The following RBFOX3 variants were observed in gnomAD, a reference collection of about 807,000 sequenced individuals.
The protein encoded by RBFOX3 is RNA binding protein fox-1 homolog 3.
RBFOX3 carries 17 observed loss-of-function variants against 48.7 expected under a neutral mutation model. The observed-to-expected ratio is 0.35, with a 90% CI of 0.24 to 0.52. RBFOX3 has a LOEUF of 0.52. RBFOX3 is among the 20% of genes least tolerant of loss of function. RBFOX3 has a pLI of 0.94. For missense variants in RBFOX3, 382 were observed against 497.5 expected (o/e 0.77, Z 2.21); for synonymous variants, 212 against 209.5 (o/e 1.01, Z -0.10).
chr17:79,384,486 C>T (rs1301682294), intron 2 of RBFOX3, among the ~76,000 whole-genome samples: 1 of 152,192 alleles, frequency 6.6e-6, no homozygotes, highest in Admixed American at 6.5e-5. Flanking sequence ...AGGCTGGACT[C>T]TGGAGAACCG....
At chr17:79,331,875 G>A (rs2080360302) in intron 2 of RBFOX3, among the ~76,000 whole-genome samples, 1 of 152,174 alleles carries the variant, frequency 6.6e-6, no homozygotes, top group African/African-American at 2.4e-5. Context: ...AGCACGGAGG[G>A]TCCCGACCAC....
intron 2 of RBFOX3, among the ~76,000 whole-genome samples, chr17:79,318,388 C>G (rs1483532987): frequency 6.6e-6 from 1 of 152,182 alleles, no homozygotes; most frequent in African/African-American, 2.4e-5. Context: ...ATACAAACAG[C>G]AGCAAATCTC....
chr17:79,633,880 T>C, the RBFOX3 span, among the ~76,000 whole-genome samples: 1 of 152,190 alleles, frequency 6.6e-6, no homozygotes, highest in Non-Finnish European at 1.5e-5. Flanking sequence ...CGTATTTTGC[T>C]TTTTTTAATT....
chr17:79,168,735 C>G (rs2145632997), intron 4 of RBFOX3, among the ~76,000 whole-genome samples: 1 of 152,356 alleles, frequency 6.6e-6, no homozygotes, highest in South Asian at 2.1e-4. Context: ...CCGGCAGACA[C>G]AGAGCCATGG....
upstream of RBFOX3, among the ~76,000 whole-genome samples, chr17:79,611,176 G>T (rs1223121812): frequency 0.015 from 61 of 4,202 alleles, no homozygotes; most frequent in African/African-American, 0.025. Context: ...CTCTCTCTCC[G>T]CCCTCCTTCT....
At chr17:79,388,461 C>A (rs755501343) in intron 2 of RBFOX3, among the ~76,000 whole-genome samples, 2 of 152,234 alleles carry the variant, frequency 1.3e-5, no homozygotes, top group Non-Finnish European at 2.9e-5. Context: ...GAATCGTTTT[C>A]AGCTGTGTCC....
chr17:79,620,273 A>C, the RBFOX3 span, among the ~76,000 whole-genome samples: 48 of 151,402 alleles, frequency 3.2e-4, 1 homozygote, highest in East Asian at 9.4e-3. Flanking sequence ...ACGTGCACAC[A>C]TACGCATATG....
intron 1 of RBFOX3, among the ~76,000 whole-genome samples, chr17:79,549,824 C>T (rs184783570): frequency 4.6e-5 from 7 of 152,342 alleles, no homozygotes; most frequent in African/African-American, 1.4e-4. Flanking sequence ...TCAGAGCTAA[C>T]GTTCAATCAA....
chr17:79,107,025 T>C (rs952879974), intron 5 of RBFOX3, among the ~76,000 whole-genome samples: 1 of 152,150 alleles, frequency 6.6e-6, no homozygotes, highest in Non-Finnish European at 1.5e-5. Context: ...ACTGTGCAGG[T>C]GAGGCCGCCT....
At chr17:79,179,572 A>G (rs1488892588) in intron 4 of RBFOX3, among the ~76,000 whole-genome samples, 1 of 149,692 alleles carries the variant, frequency 6.7e-6, no homozygotes, top group Non-Finnish European at 1.5e-5. Flanking sequence ...AGGCACTCAC[A>G]GCCCTCTCCC....
the RBFOX3 span, among the ~76,000 whole-genome samples, chr17:79,632,259 C>A: frequency 2.6e-5 from 4 of 152,100 alleles, no homozygotes; most frequent in African/African-American, 9.7e-5. Context: ...TTTTCCATCA[C>A]CTGGGTCTGC....
intron 1 of RBFOX3, among the ~76,000 whole-genome samples, chr17:79,525,997 A>G (rs1434744233): frequency 3.3e-5 from 5 of 152,174 alleles, no homozygotes; most frequent in Non-Finnish European, 5.9e-5. Flanking sequence ...CTGCGGCTCA[A>G]AGGTTTGCCT....
chr17:79,302,942 G>A (rs567049831), intron 3 of RBFOX3, among the ~76,000 whole-genome samples: 9 of 152,284 alleles, frequency 5.9e-5, no homozygotes, highest in African/African-American at 9.6e-5. Context: ...GGAAGCTTAC[G>A]CCTGTGATCC....
In RBFOX3 at chr17:79,467,252, T is replaced by G. The variant is rs371392390; in HGVS notation, c.-175+15202A>C. The stretch of plus-strand genomic sequence containing the variant: ...CTTCCCATGGAAACCTCTCCTCTGA[T>G]GCTTGAGAGAGGCTGATGTGTGGCT... On this transcript the variant is annotated intron_variant, in intron 2 of 14. Transcript: ENST00000693108. Among the ~76,000 whole-genome samples, 263 of 152,184 alleles carry G rather than the reference T, an allele frequency of 1.7e-3. 2 individuals are homozygous for G. The highest frequency in any genetic ancestry group is 6.1e-3 in the African/African-American group (253 of 41,552).
intron 2 of RBFOX3, among the ~76,000 whole-genome samples, chr17:79,319,980 TTGCCTGGGCTGCTGGTCC>T (rs2078253633): frequency 2.0e-5 from 3 of 147,920 alleles, no homozygotes; most frequent in African/African-American, 7.6e-5. Flanking sequence ...GCTGCTGGTC[TTGCCTGGGCTGCTGGTCC>T]TGTCTGGGCT....
At chr17:79,321,131 A>T (rs1406613721) in intron 2 of RBFOX3, among the ~76,000 whole-genome samples, 1 of 152,164 alleles carries the variant, frequency 6.6e-6, no homozygotes, top group Non-Finnish European at 1.5e-5. Context: ...GCAGATTGAG[A>T]TGGTCTAAAG....
At chr17:79,278,689 C>T (rs2069523754) in intron 3 of RBFOX3, among the ~76,000 whole-genome samples, 1 of 152,266 alleles carries the variant, frequency 6.6e-6, no homozygotes, top group African/African-American at 2.4e-5. Context: ...GGTGCAGCCT[C>T]ACACGAAAGG....
chr17:79,412,278 G>T (rs905251249), intron 2 of RBFOX3, among the ~76,000 whole-genome samples: 1 of 151,492 alleles, frequency 6.6e-6, no homozygotes, highest in African/African-American at 2.4e-5. Context: ...GTATGTGTGC[G>T]TGTATGAACA....
intron 4 of RBFOX3, among the ~76,000 whole-genome samples, chr17:79,187,690 G>A (rs961516949): frequency 1.3e-5 from 2 of 152,140 alleles, no homozygotes; most frequent in Admixed American, 6.5e-5. Context: ...CTGGAGTCCT[G>A]TATCACCATG....
Sources: allele counts gnomAD v4.1 joint callset (sites outside exome capture counted in the v4.1 genomes callset), GRCh38; gene constraint gnomAD v4.1.1; transcripts MANE v1.5; gene names NCBI Gene and HGNC (gene_info 2026-07-23, HGNC 2026-07-21).